VAV3: variants seen among roughly 807,000 people sequenced by gnomAD.
VAV3 encodes vav guanine nucleotide exchange factor 3.
A neutral mutation model predicts 131.2 loss-of-function variants in VAV3; 94 were observed. That is an observed-to-expected ratio of 0.72 (90% confidence interval 0.61 to 0.85). The LOEUF (loss-of-function observed/expected upper bound fraction) is 0.85. VAV3 is among the 40% of genes least tolerant of loss of function. The pLI, the probability that VAV3 is intolerant of heterozygous loss-of-function variation, is 0.00. For missense variants in VAV3, 939 were observed against 1,002.7 expected (o/e 0.94, Z 0.86); for synonymous variants, 349 against 342.0 (o/e 1.02, Z -0.22).
chr1:107,682,496 T>C (rs2504454), intron 19 of VAV3, among the ~76,000 whole-genome samples: 135,553 of 152,146 alleles, frequency 0.89, 60,405 homozygotes, highest in Middle Eastern at 0.93. Context: ...CCAGAACCCC[T>C]GTTTTTTTAA....
intron 25 of VAV3, among the ~76,000 whole-genome samples, chr1:107,582,450 T>C (rs1288764568): frequency 2.6e-5 from 4 of 152,088 alleles, no homozygotes; most frequent in Non-Finnish European, 5.9e-5. Flanking sequence ...TTAGGGTACG[T>C]GTGCACAATG....
At chr1:107,740,683 T>C (rs923598725) in intron 15 of VAV3, among the ~76,000 whole-genome samples, 5 of 152,200 alleles carry the variant, frequency 3.3e-5, no homozygotes, top group Non-Finnish European at 5.9e-5. Flanking sequence ...TGTGGTAACA[T>C]ATATTAACTA....
intron 2 of VAV3, among the ~76,000 whole-genome samples, chr1:107,822,993 A>AAG (rs1374830047): frequency 2.0e-5 from 3 of 152,192 alleles, no homozygotes; most frequent in Non-Finnish European, 4.4e-5. Context: ...GAATACTAGG[A>AAG]AGACAATAAA....
At chr1:107,763,966 C>T (rs1488415444) in intron 9 of VAV3, among the ~76,000 whole-genome samples, 1 of 151,752 alleles carries the variant, frequency 6.6e-6, no homozygotes, top group African/African-American at 2.4e-5. Context: ...CTATATATCT[C>T]TACCTGAAAT....
At chr1:107,658,096 C>T (rs367729069) in intron 19 of VAV3, among the ~76,000 whole-genome samples, 2 of 152,214 alleles carry the variant, frequency 1.3e-5, no homozygotes, top group East Asian at 3.9e-4. Context: ...AACCGTACTT[C>T]CTTTCAAATT....
At chr1:107,604,922 A>G (rs947807744) in intron 22 of VAV3, among the ~76,000 whole-genome samples, 13 of 152,050 alleles carry the variant, frequency 8.5e-5, no homozygotes, top group African/African-American at 3.1e-4. Context: ...TTATATGACA[A>G]TTTCTTATCA....
intron 2 of VAV3, among the ~76,000 whole-genome samples, chr1:107,833,420 A>G (rs746269296): frequency 2.0e-5 from 3 of 152,232 alleles, no homozygotes; most frequent in Non-Finnish European, 4.4e-5. Flanking sequence ...AGGTTTTAAG[A>G]AAGAAGTCAT....
At chr1:107,783,674 C>A (rs1043868581) in intron 2 of VAV3, among the ~76,000 whole-genome samples, 3 of 152,128 alleles carry the variant, frequency 2.0e-5, no homozygotes, top group Non-Finnish European at 4.4e-5. Flanking sequence ...TCTGTGTCCC[C>A]TTTGTGTCCC....
At chr1:107,612,586 A>C (rs1260515391) in intron 21 of VAV3, among the ~76,000 whole-genome samples, 1 of 151,974 alleles carries the variant, frequency 6.6e-6, no homozygotes. Context: ...ATCTCCCTTC[A>C]TTCTCTTTTC....
At position 107,596,343 on chromosome 1, in the gene VAV3, T is replaced by C. The variant is rs761065221; in HGVS notation, c.2221-2A>G. The C allele has an allele frequency of 6.2e-7, 1 of 1,609,530 alleles. No homozygotes were observed. Among genetic ancestry groups the C allele is most frequent in the South Asian group, 1.1e-5 (1 of 90,014 alleles). On this transcript the variant is annotated splice_acceptor_variant, in intron 24 of 26. Coordinates refer to ENST00000370056, the MANE Select transcript of VAV3 (RefSeq NM_006113.5). LOFTEE classifies it high-confidence loss of function. ...ATGCTTGTAGTACTCCACAAGTTCCTTTGGAAAAAAGAATCCAACATATTT... is the reference window on the plus strand; with the variant it reads ...ATGCTTGTAGTACTCCACAAGTTCCCTTGGAAAAAAGAATCCAACATATTT...
At chr1:107,876,444 CAT>C (rs1457632850) in intron 1 of VAV3, among the ~76,000 whole-genome samples, 1 of 152,110 alleles carries the variant, frequency 6.6e-6, no homozygotes, top group Non-Finnish European at 1.5e-5. Flanking sequence ...GATGTCGAGA[CAT>C]GTTTCTGTTT....
At chr1:107,920,366 C>T (rs946363822) in intron 1 of VAV3, among the ~76,000 whole-genome samples, 3 of 152,290 alleles carry the variant, frequency 2.0e-5, no homozygotes, top group East Asian at 3.9e-4. Flanking sequence ...AATGAAACTT[C>T]GGGGCAAATA....
chr1:107,698,885 A>C (rs555309733), intron 17 of VAV3, among the ~76,000 whole-genome samples: 45 of 152,274 alleles, frequency 3.0e-4, no homozygotes, highest in South Asian at 2.5e-3. Flanking sequence ...ATCTCCTGAG[A>C]ACTTATTCAC....
At chr1:107,937,124 A>G (rs966663640) in intron 1 of VAV3, among the ~76,000 whole-genome samples, 8 of 152,202 alleles carry the variant, frequency 5.3e-5, no homozygotes, top group African/African-American at 1.9e-4. Flanking sequence ...CATTCACACC[A>G]TAATCCTGTT....
At chr1:107,763,691 G>A (rs1358195809) in intron 9 of VAV3, among the ~76,000 whole-genome samples, 1 of 152,232 alleles carries the variant, frequency 6.6e-6, no homozygotes, top group African/African-American at 2.4e-5. Context: ...CATAATGAAG[G>A]AATATTAAGA....
chr1:107,928,122 GGT>G (rs1673250058), intron 1 of VAV3, among the ~76,000 whole-genome samples: 1 of 152,202 alleles, frequency 6.6e-6, no homozygotes, highest in African/African-American at 2.4e-5. Context: ...GCCTCAGCCT[GGT>G]GGTCCAGAGA....
intron 2 of VAV3, among the ~76,000 whole-genome samples, chr1:107,804,767 T>G (rs1666985699): frequency 6.6e-6 from 1 of 152,104 alleles, no homozygotes; most frequent in Non-Finnish European, 1.5e-5. Flanking sequence ...TTTGGTTTTT[T>G]TTGTTTGTTT....
intron 2 of VAV3, among the ~76,000 whole-genome samples, chr1:107,808,878 A>T (rs190190406): frequency 8.8e-4 from 134 of 152,316 alleles, no homozygotes; most frequent in African/African-American, 3.1e-3. Context: ...CCATATGCCT[A>T]ATTATTCCTG....
At chr1:107,656,934 A>C (rs917105502) in intron 19 of VAV3, among the ~76,000 whole-genome samples, 2 of 142,720 alleles carry the variant, frequency 1.4e-5, no homozygotes, top group Non-Finnish European at 3.0e-5. Context: ...ATTTTCAGTC[A>C]AGACAATCCT....
Sources: gnomAD v4.1 joint callset for allele counts (sites outside exome capture counted in the v4.1 genomes callset) on GRCh38, gnomAD v4.1.1 for gene constraint, MANE v1.5 for transcripts, NCBI Gene and HGNC (gene_info 2026-07-23, HGNC 2026-07-21) for gene names.